The following TRMT10A variants were observed in gnomAD, a reference collection of about 807,000 sequenced individuals.
TRMT10A encodes tRNA methyltransferase 10 homolog A.
In TRMT10A, 37 loss-of-function variants were observed where a neutral mutation model predicts 40.4. That is an observed-to-expected ratio of 0.92 (90% confidence interval 0.71 to 1.21). The LOEUF is 1.21. Among genes scored for constraint, TRMT10A ranks in the 50% most tolerant of loss-of-function variants. The pLI is 0.00. For synonymous variants in TRMT10A, 103 were observed against 134.1 expected (o/e 0.77, Z 1.60); for missense variants, 388 against 404.3 (o/e 0.96, Z 0.35).
Position 99,559,352 on chromosome 4 carries a change from T to C in TRMT10A, c.-14A>G, listed in dbSNP as rs753893413. 20 of 1,595,996 alleles carry C rather than the reference T, an allele frequency of 1.3e-5. No individual in the cohort carries two copies. In the Admixed American group the frequency reaches 3.4e-4, roughly 27 times the overall value. On this transcript the variant is annotated 5_prime_UTR_variant, in exon 2 of 8. Coordinates refer to ENST00000394876, the MANE Select transcript of TRMT10A (RefSeq NM_001134665.3). ...TTCAGATGACATTATTTGGTGCCTC[T>C]GAAAAACAACTTTTGACATGAATAG...
At chr4:99,554,707 CA>C (rs1172514847) in intron 5 of TRMT10A, among the ~76,000 whole-genome samples, 3 of 107,422 alleles carry the variant, frequency 2.8e-5, no homozygotes, top group African/African-American at 1.1e-4. Context: ...GGTGACAGTG[CA>C]AGCGACTACG....
At position 99,553,913 on chromosome 4, in the gene TRMT10A, G is replaced by T. The variant is rs1035416394; in HGVS notation, c.517C>A (p.His173Asn). The part of the protein sequence containing the change: ...NWKDIHIKPE[H>N]YSELIKKEDL... ...TCTTTCTTTATGAGTTCACTATAGT[G>T]CTCTGGTTTGATATGGATATCCTTT... The change falls in exon 6 of 8, where the codon CAC becomes AAC. Residue 173 changes from histidine to asparagine, a missense_variant. Transcript: ENST00000394876. 1.1e-5 allele frequency: 17 copies of T among 1,612,964 alleles called. No homozygotes were observed. The highest frequency in any genetic ancestry group is 5.0e-5 in the Admixed American group (3 of 59,916).
In TRMT10A at chr4:99,549,069, A is replaced by T; in HGVS notation, c.*19T>A. On this transcript the variant is annotated 3_prime_UTR_variant, in exon 8 of 8. Transcript: ENST00000394876. The stretch of plus-strand genomic sequence containing the variant: ...CTTTCTCCTAATTTTTCCTTAAACT[A>T]AAAGGAAACCAGGTAACATTAGTGT... 6.2e-7 allele frequency: 1 copy of T among 1,608,542 alleles called. No homozygotes were observed. The highest frequency in any genetic ancestry group is 8.5e-7 in the Non-Finnish European group (1 of 1,175,780).
chr4:99,560,480 T>C (rs1724343763), intron 1 of TRMT10A, among the ~76,000 whole-genome samples: 2 of 150,856 alleles, frequency 1.3e-5, no homozygotes, highest in African/African-American at 4.9e-5. Flanking sequence ...AACAGAAAAA[T>C]AATATGGAGG....
At chr4:99,559,022 T>C in intron 2 of TRMT10A, 132 bp downstream of exon 2, 1 of 1,006,122 alleles carries the variant, frequency 9.9e-7, no homozygotes, top group Non-Finnish European at 1.4e-6. Flanking sequence ...CGTTTTTCTT[T>C]ACGCTTTTGT....
In TRMT10A at chr4:99,557,279, T is replaced by C. The variant is rs577491160; in HGVS notation, c.420+66A>G. 1.6e-4 allele frequency: 238 copies of C among 1,468,538 alleles called. No homozygotes were observed. The African/African-American group carries it at 3.2e-3, about 19-fold the overall frequency. The allele number at this position is 1,468,538 out of a possible 1,614,324, so 91.0% of individuals were successfully genotyped here. A position where few individuals can be genotyped will look rare whatever the true frequency, so the allele number is the denominator to read the frequency against. ...ACTACTGCAAAGACTATAGGAATTA[T>C]CTATGTCTTTTGCCACAAAAGACAT... On this transcript the variant is annotated intron_variant, in intron 4 of 7. Transcript: ENST00000394876.
intron 6 of TRMT10A, among the ~76,000 whole-genome samples, chr4:99,552,068 G>T (rs1271726028): frequency 6.6e-6 from 1 of 152,002 alleles, no homozygotes; most frequent in Non-Finnish European, 1.5e-5. Context: ...GAGTCCAACA[G>T]TTTAAAAAAT....
Position 99,563,931 on chromosome 4 carries a change from G to A in TRMT10A, c.-42C>T. ...CACTTACCGAGCTGAAGAGTTGACA[G>A]GGAAGTGAAATCTCAGAAAGAAAGC... is the stretch of plus-strand genomic sequence containing the variant. On this transcript the variant is annotated 5_prime_UTR_variant, in exon 1 of 8. Coordinates refer to ENST00000394876, the MANE Select transcript of TRMT10A (RefSeq NM_001134665.3). 1.2e-6 allele frequency: 1 copy of A among 830,206 alleles called. No homozygotes were observed. The highest frequency in any genetic ancestry group is 2.6e-5 in the East Asian group (1 of 37,742). The allele number at this position is 830,206 out of a possible 1,614,324, so 51.4% of individuals were successfully genotyped here.
rs1724246246 is a variant in TRMT10A, at chr4:99,558,198, CT to C, written c.198del (p.Glu67LysfsTer8). 1.9e-6 allele frequency: 3 copies of C among 1,593,992 alleles called. No individual in the cohort carries two copies. The highest frequency in any genetic ancestry group is 2.6e-6 in the Non-Finnish European group (3 of 1,173,974). ...TCTAATTTTTTCCTCTTGCGTTTTT[CT>C]TTTCGCTTTTGTCTAAAATTAGTAA... ...EQRELRKQKR[K>X]EKRKRKKLER... On this transcript the variant is annotated frameshift_variant, in exon 3 of 8. Transcript: ENST00000394876. LOFTEE classifies it high-confidence loss of function.
chr4:99,554,947 A>G (rs1267836793), intron 5 of TRMT10A, among the ~76,000 whole-genome samples: 1 of 152,110 alleles, frequency 6.6e-6, no homozygotes, highest in African/African-American at 2.4e-5. Flanking sequence ...ATTTATCCAT[A>G]ATTTTTAATG....
At chr4:99,554,388 C>T (rs1724078253) in intron 5 of TRMT10A, among the ~76,000 whole-genome samples, 3 of 152,122 alleles carry the variant, frequency 2.0e-5, no homozygotes, top group African/African-American at 7.2e-5. Flanking sequence ...CCAAAGAATG[C>T]CTTCTCCAAT....
At chr4:99,556,016 C>T in intron 5 of TRMT10A, 130 bp downstream of exon 5, 1 of 741,036 alleles carries the variant, frequency 1.3e-6, no homozygotes, top group South Asian at 2.2e-5. Context: ...TAATCTTAGA[C>T]TTAGGTTCAG....
intron 1 of TRMT10A, among the ~76,000 whole-genome samples, chr4:99,562,515 CTTTTTTT>C (rs67816425): frequency 1.4e-4 from 11 of 76,664 alleles, no homozygotes; most frequent in Admixed American, 4.6e-4. Flanking sequence ...AAAGGAATGC[CTTTTTTT>C]TTTTTTTTTT....
At position 99,559,390 on chromosome 4, in the gene TRMT10A, C is replaced by T. The variant is rs758250490; in HGVS notation, c.-23-29G>A. The T allele has an allele frequency of 5.5e-6, 8 of 1,448,780 alleles. 1 individual carries two copies. The South Asian group carries it at 1.0e-4, about 18-fold the overall frequency. 89.7% of individuals were successfully genotyped at this position (1,448,780 alleles called of 1,614,324 possible). The stretch of plus-strand genomic sequence containing the variant: ...TTGACATGAATAGATAATTTACAAG[C>T]ACAAAAAAGTTAAAAAACTCAAATA... On this transcript the variant is annotated intron_variant, in intron 1 of 7. Coordinates refer to ENST00000394876, the MANE Select transcript of TRMT10A (RefSeq NM_001134665.3).
rs745489199 is a variant in TRMT10A, at chr4:99,550,970, C to A, written c.666G>T (p.Ala222=). 4 of 1,611,676 alleles carry A rather than the reference C, an allele frequency of 2.5e-6. No homozygotes were observed. The highest frequency in any genetic ancestry group is 2.5e-6 in the Non-Finnish European group (3 of 1,178,894). ...NHHKGLTYKQ[A]SDYGINHAQL... ...GTGCATGATTGATTCCATAATCTGACGCTTGTTTATATGTGAGTCCCTAAA... is the reference window on the plus strand; with the variant it reads ...GTGCATGATTGATTCCATAATCTGAAGCTTGTTTATATGTGAGTCCCTAAA... The change falls in exon 7 of 8, where the codon GCG becomes GCT. Residue 222 remains alanine (A), a synonymous_variant. Transcript: ENST00000394876.
chr4:99,554,051 G>A, intron 5 of TRMT10A, 117 bp from the exon 6 acceptor site: 1 of 1,025,458 alleles, frequency 9.8e-7, no homozygotes, highest in South Asian at 1.5e-5. Flanking sequence ...AACAAAGTTT[G>A]AAATAATATA....
chr4:99,556,770 T>A (rs1202779269), intron 4 of TRMT10A, among the ~76,000 whole-genome samples: 2 of 152,200 alleles, frequency 1.3e-5, no homozygotes, highest in Non-Finnish European at 2.9e-5. Flanking sequence ...ATATTAATAG[T>A]TCCTGGTTCT....
chr4:99,562,093 C>T (rs1365943425), intron 1 of TRMT10A, among the ~76,000 whole-genome samples: 1 of 151,458 alleles, frequency 6.6e-6, no homozygotes, highest in Non-Finnish European at 1.5e-5. Context: ...ATCGCTTGAA[C>T]CCGGGAGGCA....
At chr4:99,563,822 G>C in intron 1 of TRMT10A, 91 bp downstream of exon 1, 1 of 640,420 alleles carries the variant, frequency 1.6e-6, no homozygotes, top group South Asian at 1.5e-5. Context: ...GGAAGCCCTT[G>C]TTGCTAGTAG....
Sources: allele counts gnomAD v4.1 joint callset (sites outside exome capture counted in the v4.1 genomes callset), GRCh38; gene constraint gnomAD v4.1.1; transcripts MANE v1.5; gene names NCBI Gene and HGNC (gene_info 2026-07-23, HGNC 2026-07-21).